RORA: variants seen among roughly 807,000 people sequenced by gnomAD.
RORA encodes the protein RAR related orphan receptor A, also known as nuclear receptor ROR-alpha.
A neutral mutation model predicts 69.5 loss-of-function variants in RORA; 7 were observed. The ratio of observed to expected loss-of-function variants is 0.10; its 90% confidence interval spans 0.06 to 0.19. The LOEUF is 0.19. Ranked by LOEUF, RORA falls within the 10% of genes least tolerant of loss-of-function variation. The pLI, the probability that RORA is intolerant of heterozygous loss-of-function variation, is 1.00. For synonymous variants in RORA, 261 were observed against 240.8 expected, an observed-to-expected ratio of 1.08 and a Z score of -0.78; for missense variants, 457 against 663.0, an observed-to-expected ratio of 0.69 and a Z score of 3.41.
intron 1 of RORA, among the ~76,000 whole-genome samples, chr15:61,142,673 C>A (rs145358445): frequency 6.6e-6 from 1 of 152,254 alleles, no homozygotes; most frequent in Non-Finnish European, 1.5e-5. Context: ...CCAAATAGAG[C>A]TTATTAAAGG....
intron 1 of RORA, among the ~76,000 whole-genome samples, chr15:60,761,505 T>C (rs1294213752): frequency 2.6e-5 from 4 of 152,202 alleles, no homozygotes; most frequent in African/African-American, 7.2e-5. Flanking sequence ...TTTTATGATA[T>C]GTTTTTTTAA....
chr15:60,515,990 TTTATATATATTTATATA>T lies in RORA; in HGVS notation c.283-1250_283-1234del, dbSNP rs2065878163. Among the ~76,000 whole-genome samples the T allele has an allele frequency of 9.5e-5, 2 of 21,126 alleles. 1 individual carries two copies. Among genetic ancestry groups the T allele is most frequent in the Admixed American group, 1.8e-3 (2 of 1,142 alleles). The allele number at this position is 21,126 out of a possible 152,430, so 13.9% of individuals were successfully genotyped here. A position where few individuals can be genotyped will look rare whatever the true frequency, so the allele number is the denominator to read the frequency against. On this transcript the variant is annotated intron_variant, in intron 3 of 10. Coordinates refer to ENST00000335670, the MANE Select transcript of RORA (RefSeq NM_134261.3). ...ATATATATTTATATATTTATATATA[TTTATATATATTTATATA>T]TATTTATATATATTTATATATTTAT... is the stretch of plus-strand genomic sequence containing the variant.
At chr15:61,015,783 T>C (rs1229342571) in intron 1 of RORA, among the ~76,000 whole-genome samples, 1 of 152,240 alleles carries the variant, frequency 6.6e-6, no homozygotes, top group African/African-American at 2.4e-5. Flanking sequence ...CTCCAAATGA[T>C]ACAAAATTAT....
intron 2 of RORA, among the ~76,000 whole-genome samples, chr15:60,662,635 T>C (rs2070320896): frequency 1.1e-5 from 1 of 94,388 alleles, no homozygotes; most frequent in Non-Finnish European, 2.1e-5. Context: ...AGAACCTTAT[T>C]CAACAGAAAA....
intron 1 of RORA, among the ~76,000 whole-genome samples, chr15:60,744,558 T>C (rs2071621380): frequency 3.3e-5 from 5 of 152,118 alleles, no homozygotes; most frequent in Admixed American, 3.3e-4. Flanking sequence ...GCTCCCTGAG[T>C]TCAGTGTCCT....
At chr15:60,703,073 A>G (rs1596139611) in intron 1 of RORA, among the ~76,000 whole-genome samples, 3 of 152,012 alleles carry the variant, frequency 2.0e-5, no homozygotes, top group Non-Finnish European at 4.4e-5. Context: ...GTCTATCATA[A>G]AGGAACAGTG....
At chr15:60,988,893 CGAAGGAAA>C (rs1389466663) in intron 1 of RORA, among the ~76,000 whole-genome samples, 1 of 151,780 alleles carries the variant, frequency 6.6e-6, no homozygotes, top group Non-Finnish European at 1.5e-5. Context: ...TCTTTTACAC[CGAAGGAAA>C]GAAGGAATCA....
At chr15:60,883,311 CTT>C (rs2073713097) in intron 1 of RORA, among the ~76,000 whole-genome samples, 2 of 152,156 alleles carry the variant, frequency 1.3e-5, no homozygotes, top group African/African-American at 4.8e-5. Flanking sequence ...AATAGGGACT[CTT>C]TTGGAAAACT....
intron 10 of RORA, among the ~76,000 whole-genome samples, chr15:60,499,545 T>A (rs2065266733): frequency 6.6e-6 from 1 of 152,176 alleles, no homozygotes; most frequent in Admixed American, 6.5e-5. Flanking sequence ...CTCTAAAAAA[T>A]TAATAAATTC....
chr15:61,126,588 G>C (rs529438391), intron 1 of RORA, among the ~76,000 whole-genome samples: 20 of 152,182 alleles, frequency 1.3e-4, no homozygotes, highest in Non-Finnish European at 2.6e-4. Flanking sequence ...TTTTCAAAGA[G>C]TTGTAATTAA....
At chr15:60,758,541 G>A (rs2071835260) in intron 1 of RORA, among the ~76,000 whole-genome samples, 2 of 152,114 alleles carry the variant, frequency 1.3e-5, no homozygotes, top group African/African-American at 4.8e-5. Context: ...AGACCTCTCT[G>A]TTTTCAAATA....
chr15:60,846,429 A>C (rs1256208944), intron 1 of RORA, among the ~76,000 whole-genome samples: 3 of 152,192 alleles, frequency 2.0e-5, no homozygotes, highest in Non-Finnish European at 4.4e-5. Context: ...ACGTCCTTAT[A>C]ATTTCAGAAC....
chr15:60,639,598 T>TA (rs924049183), intron 2 of RORA, among the ~76,000 whole-genome samples: 4 of 152,006 alleles, frequency 2.6e-5, no homozygotes, highest in African/African-American at 4.8e-5. Context: ...ATTGAAACTG[T>TA]AAAAAAAATT....
At chr15:60,854,284 T>A (rs577964922) in intron 1 of RORA, among the ~76,000 whole-genome samples, 12 of 152,006 alleles carry the variant, frequency 7.9e-5, no homozygotes, top group East Asian at 3.9e-4. Flanking sequence ...TAAATAAAAA[T>A]AAATGATCAG....
At chr15:60,664,732 G>A (rs184853400) in intron 2 of RORA, among the ~76,000 whole-genome samples, 5 of 152,234 alleles carry the variant, frequency 3.3e-5, no homozygotes, top group South Asian at 2.1e-4. Context: ...TTAGGTCATC[G>A]CCTAAGGAGG....
chr15:60,867,784 C>T (rs1044763485), intron 1 of RORA, among the ~76,000 whole-genome samples: 2 of 152,098 alleles, frequency 1.3e-5, no homozygotes, highest in African/African-American at 4.8e-5. Flanking sequence ...AAAATGGCTA[C>T]CCCGTTTTAA....
intron 1 of RORA, among the ~76,000 whole-genome samples, chr15:61,166,515 A>G (rs1319937930): frequency 2.0e-5 from 3 of 152,286 alleles, no homozygotes; most frequent in East Asian, 1.9e-4. Context: ...GACTTTTCAA[A>G]CGTAATTGCA....
At chr15:60,518,090 C>T (rs893030890) in intron 3 of RORA, among the ~76,000 whole-genome samples, 6 of 152,190 alleles carry the variant, frequency 3.9e-5, no homozygotes, top group African/African-American at 1.4e-4. Context: ...TCTCGAACTC[C>T]TGGGCTCAAG....
chr15:60,685,472 C>T (rs1037148349), intron 1 of RORA, among the ~76,000 whole-genome samples: 2 of 152,172 alleles, frequency 1.3e-5, no homozygotes, highest in African/African-American at 4.8e-5. Context: ...CTTATGTCCC[C>T]CTCCTCCTCA....
Sources: allele counts gnomAD v4.1 joint callset (sites outside exome capture counted in the v4.1 genomes callset), GRCh38; gene constraint gnomAD v4.1.1; transcripts MANE v1.5; gene names NCBI Gene and HGNC (gene_info 2026-07-23, HGNC 2026-07-21).